HUS1: variants seen among roughly 807,000 people sequenced by gnomAD.
The protein encoded by HUS1 is checkpoint protein HUS1.
Under a neutral mutation model 32.6 loss-of-function variants are expected in HUS1, and 31 were observed. The ratio of observed to expected loss-of-function variants is 0.95; its 90% CI spans 0.72 to 1.28. HUS1 has a LOEUF of 1.28. HUS1 is among the 50% of genes most tolerant of loss of function. The pLI is 0.00. For synonymous variants in HUS1, 123 were observed against 116.6 expected, an observed-to-expected ratio of 1.06 and a Z score of -0.36; for missense variants, 340 against 337.7, an observed-to-expected ratio of 1.01 and a Z score of -0.05.
In HUS1 at chr7:47,969,272, G is replaced by C. The variant is rs138848570; in HGVS notation, c.587C>G (p.Thr196Ser). 2.1e-4 allele frequency: 342 copies of C among 1,592,652 alleles called. 2 individuals are homozygous for C. The African/African-American group carries it at 4.1e-3, about 19-fold the overall frequency. The stretch of plus-strand genomic sequence containing the variant: ...ATGAGTTGTAACACATACTAATTCA[G>C]TTTCTATTTTCAAATTCAATTCTCC... Reference protein sequence around the residue: ...LDGELNLKIETELVCVTTHFK... With the variant: ...LDGELNLKIESELVCVTTHFK... Residue 196 changes from threonine (T) to serine (S), a missense_variant, in exon 6 of 8, where the codon ACT becomes AGT. By Grantham distance (58) the Thr-to-Ser change is moderately conservative. Coordinates refer to ENST00000258774, the MANE Select transcript of HUS1 (RefSeq NM_004507.4).
rs1788756573 is a variant in HUS1 at position 47,978,533 on chromosome 7, A to G, written c.241T>C (p.Leu81=). Residue 81 remains leucine (L), a synonymous_variant, in exon 3 of 8, where the codon TTA becomes CTA. Transcript: ENST00000258774. ...GVSAENNEIY[L]ELTSENLSRA... ...GATAAGTTTTCCGATGTTAGCTCTAAATAAATCTCATTGTTTTCTGCAGAG... is the reference window on the plus strand; with the variant it reads ...GATAAGTTTTCCGATGTTAGCTCTAGATAAATCTCATTGTTTTCTGCAGAG... 4 of 1,614,222 alleles carry G rather than the reference A, an allele frequency of 2.5e-6. No homozygotes were observed. The highest frequency in any genetic ancestry group is 3.4e-6 in the Non-Finnish European group (4 of 1,180,042).
At chr7:47,971,063 A>G (rs1007168000) in intron 5 of HUS1, among the ~76,000 whole-genome samples, 1 of 152,214 alleles carries the variant, frequency 6.6e-6, no homozygotes, top group African/African-American at 2.4e-5. Context: ...GTAGTAATAA[A>G]ATTTTATGCT....
In HUS1 at chr7:47,968,048, A is replaced by T. The variant is rs1042771960; in HGVS notation, c.641-123T>A. The T allele has an allele frequency of 3.3e-6, 3 of 920,774 alleles. No individual in the cohort carries two copies. The Admixed American group carries it at 8.1e-5, about 25-fold the overall frequency. The allele number at this position is 920,774 out of a possible 1,614,324, so 57.0% of individuals were successfully genotyped here. The stretch of plus-strand genomic sequence containing the variant: ...AGCACTGATTTTAGCATCCTGAAGA[A>T]ATATTGCAACTTGTAAATGTTGTCA... On this transcript the variant is annotated intron_variant, in intron 6 of 7. Transcript: ENST00000258774.
intron 3 of HUS1, among the ~76,000 whole-genome samples, chr7:47,977,233 C>G (rs1253518088): frequency 6.6e-6 from 1 of 152,048 alleles, no homozygotes; most frequent in East Asian, 1.9e-4. Context: ...GCAGGAGAAG[C>G]AGCAGCCATG....
At position 47,975,700 on chromosome 7, in the gene HUS1, T is replaced by A. The variant is rs1223578441; in HGVS notation, c.466-13A>T. The A allele has an allele frequency of 1.3e-6, 2 of 1,513,100 alleles. No homozygotes were observed. Among genetic ancestry groups the A allele is most frequent in the Admixed American group, 1.8e-5 (1 of 55,676 alleles). The allele number at this position is 1,513,100 out of a possible 1,614,324, so 93.7% of individuals were successfully genotyped here. On this transcript the variant is annotated splice_polypyrimidine_tract_variant and intron_variant, in intron 4 of 7. Transcript: ENST00000258774. ...AATAAATACTAACCTACAAAACCAATGAGAAAAAAGCACAAGTATTAAAAA... is the reference window on the plus strand; with the variant it reads ...AATAAATACTAACCTACAAAACCAAAGAGAAAAAAGCACAAGTATTAAAAA...
intron 5 of HUS1, among the ~76,000 whole-genome samples, chr7:47,974,354 C>T (rs1187586911): frequency 1.8e-5 from 1 of 55,252 alleles, no homozygotes; most frequent in Non-Finnish European, 3.1e-5. Flanking sequence ...GACAGCTCAG[C>T]TCCATGGAGG....
intron 4 of HUS1, 121 bp downstream of exon 4, chr7:47,976,609 T>C (rs1788709453): frequency 1.4e-6 from 1 of 711,628 alleles, no homozygotes; most frequent in Non-Finnish European, 2.6e-6. Context: ...GCAAATAATC[T>C]AATGTTTTCG....
At position 47,963,407 on chromosome 7, in the gene HUS1, TAA is replaced by T. The variant is rs1788410190; in HGVS notation, c.*1947_*1948del. On this transcript the variant is annotated 3_prime_UTR_variant, in exon 8 of 8. Coordinates refer to ENST00000258774, the MANE Select transcript of HUS1 (RefSeq NM_004507.4). The stretch of plus-strand genomic sequence containing the variant: ...ATAAACATCACATAGAGCAAATGGT[TAA>T]GTCACTAACACATTCTCTTTAACAG... The T allele has an allele frequency of 6.6e-6, 1 of 152,232 alleles. No individual in the cohort carries two copies. Among genetic ancestry groups the T allele is most frequent in the Non-Finnish European group, 1.5e-5 (1 of 68,034 alleles). 9.4% of individuals were successfully genotyped at this position (152,232 alleles called of 1,614,324 possible). A position where few individuals can be genotyped will look rare whatever the true frequency, so the allele number is the denominator to read the frequency against.
rs181651779 is a variant in HUS1 at position 47,972,083 on chromosome 7, G to A, written c.541-2765C>T. 1.4e-3 allele frequency among the ~76,000 whole-genome samples: 219 copies of A among 151,894 alleles called. 2 individuals are homozygous for A. Among genetic ancestry groups the A allele is most frequent in the African/African-American group, 4.9e-3 (202 of 41,364 alleles). ...AATATATTGTTATATTTCCTAACCCGTTTTCCTACAATCTGGAACAATAGT... is the reference window on the plus strand; with the variant it reads ...AATATATTGTTATATTTCCTAACCCATTTTCCTACAATCTGGAACAATAGT... On this transcript the variant is annotated intron_variant, in intron 5 of 7. Coordinates refer to ENST00000258774, the MANE Select transcript of HUS1 (RefSeq NM_004507.4).
chr7:47,975,802 C>T (rs945430921), intron 4 of HUS1, 115 bp from the exon 5 acceptor site: 3 of 598,050 alleles, frequency 5.0e-6, no homozygotes, highest in African/African-American at 4.0e-5. Flanking sequence ...CTATGGGATA[C>T]TATTTTACAA....
At chr7:47,976,688 A>ATT in intron 4 of HUS1, 42 bp downstream of exon 4, 1 of 1,070,614 alleles carries the variant, frequency 9.3e-7, no homozygotes, top group African/African-American at 1.6e-5. Context: ...AAGTCATGCC[A>ATT]TTTAATGTGG....
chr7:47,969,540 T>TG (rs929914610), intron 5 of HUS1, among the ~76,000 whole-genome samples: 5 of 152,306 alleles, frequency 3.3e-5, no homozygotes, highest in Admixed American at 2.0e-4. Flanking sequence ...GAAGTCCCCC[T>TG]GCCTGCCTCC....
chr7:47,968,972 T>G (rs1013660734), intron 6 of HUS1: 2 of 376,404 alleles, frequency 5.3e-6, no homozygotes, highest in African/African-American at 4.3e-5. Flanking sequence ...TGATCCGAAT[T>G]CTACAGAGGA....
Position 47,967,904 on chromosome 7 carries a change from T to A in HUS1, c.662A>T (p.Asp221Val). ...TTCAGCCATGTGTTCCACGTTTCTG[T>A]CCTCATGGGTGCTTTCAGAGGCTAA... The part of the protein sequence containing the change: ...PPLASESTHE[D>V]RNVEHMAEVH... Residue 221 changes from aspartate (D) to valine (V), a missense_variant, in exon 7 of 8, where the codon GAC becomes GTC. By Grantham distance (152) the Asp-to-Val change is radical. Coordinates refer to ENST00000258774, the MANE Select transcript of HUS1 (RefSeq NM_004507.4). 1 of 1,613,160 alleles carries A rather than the reference T, an allele frequency of 6.2e-7. No individual in the cohort carries two copies. The highest frequency in any genetic ancestry group is 1.1e-5 in the South Asian group (1 of 90,810).
At chr7:47,966,167 G>A (rs570894499) in intron 7 of HUS1, among the ~76,000 whole-genome samples, 16 of 152,214 alleles carry the variant, frequency 1.1e-4, no homozygotes, top group Admixed American at 1.0e-3. Context: ...GGTGGTGCAA[G>A]GGCACAGGAG....
Position 47,975,658 on chromosome 7 carries a change from A to T in HUS1, c.495T>A (p.Thr165=). Reference sequence around the variant, plus strand: ...TCATTTTTTCCACAACACTCTTCATAGTCTTCAAGACTGGTAAATAAATAC... The same window carrying T: ...TCATTTTTTCCACAACACTCTTCATTGTCTTCAAGACTGGTAAATAAATAC... ...DVSIYLPVLK[T]MKSVVEKMKN... Residue 165 remains threonine, a synonymous_variant, in exon 5 of 8, where the codon ACT becomes ACA. Transcript: ENST00000258774. The T allele has an allele frequency of 6.2e-7, 1 of 1,603,218 alleles. No individual in the cohort carries two copies. Among genetic ancestry groups the T allele is most frequent in the Non-Finnish European group, 8.5e-7 (1 of 1,171,454 alleles).
At chr7:47,978,013 A>C (rs1384777192) in intron 3 of HUS1, among the ~76,000 whole-genome samples, 1 of 152,242 alleles carries the variant, frequency 6.6e-6, no homozygotes, top group East Asian at 1.9e-4. Context: ...TTCATCTGGC[A>C]GTAGCATATA....
rs756512766 is a variant in HUS1, at chr7:47,979,523, C to A, written c.-4G>T. The A allele has an allele frequency of 1.2e-6, 2 of 1,607,740 alleles. No homozygotes were observed. The highest frequency in any genetic ancestry group is 2.2e-5 in the East Asian group (1 of 44,856). On this transcript the variant is annotated 5_prime_UTR_variant, in exon 1 of 8. Transcript: ENST00000258774. The stretch of plus-strand genomic sequence containing the variant: ...CGATCTTGGCCCGAAACTTCATGGC[C>A]GCGGATGGCGCAGCCGCGGCGGGCC...
At chr7:47,974,096 G>A (rs1208624620) in intron 5 of HUS1, among the ~76,000 whole-genome samples, 1 of 152,184 alleles carries the variant, frequency 6.6e-6, no homozygotes, top group Non-Finnish European at 1.5e-5. Context: ...CTCTTAGTGT[G>A]CAGAACTCTA....
Sources: gnomAD v4.1 joint callset for allele counts (sites outside exome capture counted in the v4.1 genomes callset) on GRCh38, gnomAD v4.1.1 for gene constraint, MANE v1.5 for transcripts, NCBI Gene and HGNC (gene_info 2026-07-23, HGNC 2026-07-21) for gene names.